Variants in CSMD1 observed in about 807,000 individuals in gnomAD.
CSMD1 encodes the protein CUB and Sushi multiple domains 1, also known as CUB and sushi domain-containing protein 1.
In CSMD1, 213 loss-of-function variants were observed where a neutral mutation model predicts 417.5. The observed-to-expected ratio is 0.51, with a 90% confidence interval of 0.46 to 0.57. The LOEUF (loss-of-function observed/expected upper bound fraction) is 0.57. CSMD1 is among the 20% of genes least tolerant of loss of function. The probability of loss-of-function intolerance (pLI) is 0.00; values close to 1 mark genes in which losing one functional copy is unlikely to be tolerated. For missense variants in CSMD1, 6,923 were observed against 4,529.7 expected (o/e 1.53, Z -15.17); for synonymous variants, 2,862 against 1,736.8 (o/e 1.65, Z -16.11).
chr8:4,167,730 C>T (rs906059709), intron 3 of CSMD1, among the ~76,000 whole-genome samples: 41 of 152,266 alleles, frequency 2.7e-4, no homozygotes, highest in African/African-American at 9.9e-4. Context: ...TGGTTCACAC[C>T]TGTAATTCCA....
At chr8:4,340,134 G>C (rs1800392727) in intron 3 of CSMD1, among the ~76,000 whole-genome samples, 1 of 152,052 alleles carries the variant, frequency 6.6e-6, no homozygotes, top group Non-Finnish European at 1.5e-5. Context: ...TCCTCTTTCA[G>C]GGCTCTCATT....
At chr8:4,090,888 T>C (rs1243141919) in intron 3 of CSMD1, among the ~76,000 whole-genome samples, 2 of 152,084 alleles carry the variant, frequency 1.3e-5, no homozygotes, top group Non-Finnish European at 2.9e-5. Context: ...GCTGTCTACA[T>C]TATTAGTAAC....
chr8:3,971,100 A>AC (rs1359982898), intron 5 of CSMD1, among the ~76,000 whole-genome samples: 1 of 152,132 alleles, frequency 6.6e-6, no homozygotes, highest in Non-Finnish European at 1.5e-5. Context: ...ATGACATAGA[A>AC]CCATGTGATC....
At chr8:4,780,949 A>G (rs987989249) in intron 1 of CSMD1, among the ~76,000 whole-genome samples, 1 of 152,214 alleles carries the variant, frequency 6.6e-6, no homozygotes, top group African/African-American at 2.4e-5. Context: ...TATAAGGCTC[A>G]AGCAATGACC....
At chr8:3,308,785 G>A (rs931953803) in intron 23 of CSMD1, among the ~76,000 whole-genome samples, 19 of 140,912 alleles carry the variant, frequency 1.3e-4, no homozygotes, top group African/African-American at 2.9e-4. Context: ...GTGCAATGGC[G>A]TGATCTTGCC....
chr8:4,133,801 C>T (rs949587920), intron 3 of CSMD1, among the ~76,000 whole-genome samples: 1 of 152,058 alleles, frequency 6.6e-6, no homozygotes, highest in Non-Finnish European at 1.5e-5. Flanking sequence ...ATAGCCATGC[C>T]ACTCTGACCA....
At chr8:3,392,048 T>C (rs553895840) in intron 17 of CSMD1, among the ~76,000 whole-genome samples, 58 of 139,378 alleles carry the variant, frequency 4.2e-4, no homozygotes, top group Non-Finnish European at 5.3e-4. Flanking sequence ...TAGGTGGGAA[T>C]TGAACAATGA....
chr8:3,124,698 G>A (rs528265005), intron 41 of CSMD1, among the ~76,000 whole-genome samples: 2 of 152,226 alleles, frequency 1.3e-5, no homozygotes, highest in African/African-American at 2.4e-5. Flanking sequence ...CGAAGTAGTC[G>A]TCAAATTGTT....
intron 41 of CSMD1, among the ~76,000 whole-genome samples, chr8:3,137,940 C>G (rs562587284): frequency 6.6e-6 from 1 of 152,138 alleles, no homozygotes; most frequent in South Asian, 2.1e-4. Flanking sequence ...ACAACAATAT[C>G]CCGGCTGGGC....
chr8:3,857,846 G>C (rs1804421645), intron 5 of CSMD1, among the ~76,000 whole-genome samples: 1 of 152,206 alleles, frequency 6.6e-6, no homozygotes, highest in Admixed American at 6.5e-5. Context: ...AATACCTAGA[G>C]TTACCTTTGC....
chr8:3,360,516 C>A (rs892308452), intron 20 of CSMD1, among the ~76,000 whole-genome samples: 1 of 152,054 alleles, frequency 6.6e-6, no homozygotes, highest in Admixed American at 6.6e-5. Context: ...TCTGTAATGC[C>A]CAGTTTTGTC....
intron 49 of CSMD1, among the ~76,000 whole-genome samples, chr8:3,052,918 C>T (rs1311492303): frequency 2.0e-5 from 3 of 151,864 alleles, no homozygotes; most frequent in Non-Finnish European, 4.4e-5. Context: ...GCTTCCCAAG[C>T]AGCTGAGATT....
intron 11 of CSMD1, among the ~76,000 whole-genome samples, chr8:3,479,752 T>A (rs921765114): frequency 6.6e-6 from 1 of 151,610 alleles, no homozygotes; most frequent in African/African-American, 2.4e-5. Flanking sequence ...ACGGCTTGAA[T>A]GATGAAAGAC....
chr8:3,651,351 C>G lies in CSMD1; in HGVS notation c.1010-34554G>C, dbSNP rs531630289. Among the ~76,000 whole-genome samples the G allele has an allele frequency of 1.6e-4, 24 of 152,288 alleles. No individual in the cohort carries two copies. In the South Asian group the frequency reaches 4.1e-3, roughly 26 times the overall value. ...AAGATCTAGTCCCCACCCCCACACA[C>G]TTCACATAGGTCTTCTGTCTCCTCT... On this transcript the variant is annotated intron_variant, in intron 7 of 69. Coordinates refer to ENST00000635120, the MANE Select transcript of CSMD1 (RefSeq NM_033225.6).
chr8:3,312,869 G>A (rs1021578045), intron 23 of CSMD1, among the ~76,000 whole-genome samples: 6 of 152,054 alleles, frequency 3.9e-5, no homozygotes, highest in African/African-American at 1.2e-4. Flanking sequence ...ATCCACATTC[G>A]TTAGGATACA....
intron 10 of CSMD1, among the ~76,000 whole-genome samples, chr8:3,513,605 A>T (rs1269764745): frequency 6.6e-6 from 1 of 152,190 alleles, no homozygotes; most frequent in Non-Finnish European, 1.5e-5. Flanking sequence ...GCAATGCCCC[A>T]GAAAACATGG....
At chr8:3,146,511 C>G (rs902923976) in intron 40 of CSMD1, among the ~76,000 whole-genome samples, 3 of 152,102 alleles carry the variant, frequency 2.0e-5, no homozygotes, top group Admixed American at 6.5e-5. Context: ...AAACAAGTTT[C>G]AAAAACATTT....
At position 3,052,487 on chromosome 8, in the gene CSMD1, G is replaced by A. The variant is rs1180831789; in HGVS notation, c.7635C>T (p.Asn2545=). 2 of 1,587,606 alleles carry A rather than the reference G, an allele frequency of 1.3e-6. No individual in the cohort carries two copies. The highest frequency in any genetic ancestry group is 2.3e-5 in the South Asian group (2 of 86,892). ...AVCQEDGLWS[N]KGKPPTCKPV... ...GCTTACACGTGGGCGGCTTCCCCTTGTTACTCCACAACCCATCTTCTTGAC... is the reference window on the plus strand; with the variant it reads ...GCTTACACGTGGGCGGCTTCCCCTTATTACTCCACAACCCATCTTCTTGAC... Residue 2545 remains asparagine (N), a synonymous_variant, in exon 50 of 70, where the codon AAC becomes AAT. Transcript: ENST00000635120.
intron 2 of CSMD1, among the ~76,000 whole-genome samples, chr8:4,574,626 C>T (rs1799049385): frequency 6.6e-6 from 1 of 152,136 alleles, no homozygotes; most frequent in African/African-American, 2.4e-5. Context: ...TCCATGAATA[C>T]ATTAATGGGA....
Sources: allele counts gnomAD v4.1 joint callset (sites outside exome capture counted in the v4.1 genomes callset), GRCh38; gene constraint gnomAD v4.1.1; transcripts MANE v1.5; gene names NCBI Gene and HGNC (gene_info 2026-07-23, HGNC 2026-07-21).